The following KSR2 variants were observed in gnomAD, a reference collection of about 807,000 sequenced individuals.
The protein encoded by KSR2 is kinase suppressor of ras 2.
A neutral mutation model predicts 107.8 loss-of-function variants in KSR2; 25 were observed. The observed-to-expected ratio is 0.23, with a 90% confidence interval of 0.17 to 0.32. The LOEUF (loss-of-function observed/expected upper bound fraction) is 0.32, where lower values mean the gene tolerates loss of function less well. KSR2 is among the 10% of genes least tolerant of loss of function. The probability of loss-of-function intolerance (pLI) is 1.00; values close to 1 mark genes in which losing one functional copy is unlikely to be tolerated. For missense variants in KSR2, 887 were observed against 1,268.9 expected (o/e 0.70, Z 4.57); for synonymous variants, 480 against 507.0 (o/e 0.95, Z 0.71).
chr12:117,682,850 C>G (rs866195054), intron 4 of KSR2, among the ~76,000 whole-genome samples: 16 of 152,034 alleles, frequency 1.1e-4, no homozygotes, highest in Admixed American at 9.8e-4. Context: ...GTTGGAGTCA[C>G]CCAGGCAAGA....
rs570470310 is a variant in KSR2, at chr12:117,463,032, G to T, written c.*4167C>A. On this transcript the variant is annotated 3_prime_UTR_variant, in exon 20 of 20. Transcript: ENST00000339824. The stretch of plus-strand genomic sequence containing the variant: ...TGACACCTTGATCTTGGGACTTCCA[G>T]CCTCAAGAATTGTGAGGAATAAATT... 6.6e-6 allele frequency: 1 copy of T among 152,254 alleles called. No individual in the cohort carries two copies. Among genetic ancestry groups the T allele is most frequent in the East Asian group, 1.9e-4 (1 of 5,200 alleles). The allele number at this position is 152,254 out of a possible 1,614,324, so 9.4% of individuals were successfully genotyped here. A position where few individuals can be genotyped will look rare whatever the true frequency, so the allele number is the denominator to read the frequency against.
chr12:117,808,772 G>A (rs1336590911), intron 3 of KSR2, among the ~76,000 whole-genome samples: 1 of 152,042 alleles, frequency 6.6e-6, no homozygotes, highest in Non-Finnish European at 1.5e-5. Context: ...TTCCCACTCT[G>A]GCTAGCTGAC....
intron 1 of KSR2, among the ~76,000 whole-genome samples, chr12:117,928,182 CTTTT>C (rs35971412): frequency 4.3e-5 from 6 of 140,618 alleles, no homozygotes; most frequent in Admixed American, 7.2e-5. Flanking sequence ...TCCTTCTTTC[CTTTT>C]TTTTTTTTTT....
At chr12:117,804,340 G>A (rs1476375874) in intron 3 of KSR2, among the ~76,000 whole-genome samples, 1 of 152,202 alleles carries the variant, frequency 6.6e-6, no homozygotes, top group Non-Finnish European at 1.5e-5. Context: ...ACCGCACCCG[G>A]CCATTTATTG....
intron 4 of KSR2, among the ~76,000 whole-genome samples, chr12:117,693,713 T>C (rs993759068): frequency 6.6e-6 from 1 of 152,164 alleles, no homozygotes; most frequent in African/African-American, 2.4e-5. Flanking sequence ...TGCCAGGCCC[T>C]ATGCGAGATG....
chr12:117,763,844 G>C (rs1170607395), intron 3 of KSR2, among the ~76,000 whole-genome samples: 3 of 152,136 alleles, frequency 2.0e-5, no homozygotes, highest in African/African-American at 4.8e-5. Flanking sequence ...CTCTGGTTTG[G>C]GTGGTGGCAG....
intron 4 of KSR2, among the ~76,000 whole-genome samples, chr12:117,670,260 C>G (rs1438499644): frequency 1.3e-5 from 2 of 152,246 alleles, no homozygotes; most frequent in East Asian, 3.9e-4. Flanking sequence ...GCCACTGTTA[C>G]CACTGCTTTG....
chr12:117,761,016 C>T lies in KSR2; in HGVS notation c.981G>A (p.Thr327=). The change falls in exon 4 of 20, where the codon ACG becomes ACA. Residue 327 remains threonine, a synonymous_variant. Transcript: ENST00000339824. ...QLGHRVDEAH[T]PKAKKKSKPL... Reference sequence around the variant, plus strand: ...CACCCACCGATCGCACTCACTTGGGCGTGTGGGCCTCGTCCACGCGGTGCC... The same window carrying T: ...CACCCACCGATCGCACTCACTTGGGTGTGTGGGCCTCGTCCACGCGGTGCC... 1.9e-6 allele frequency: 3 copies of T among 1,613,530 alleles called. No individual in the cohort carries two copies. The highest frequency in any genetic ancestry group is 2.5e-6 in the Non-Finnish European group (3 of 1,179,688).
At chr12:117,535,511 G>A (rs1382000499) in intron 10 of KSR2, among the ~76,000 whole-genome samples, 1 of 152,112 alleles carries the variant, frequency 6.6e-6, no homozygotes. Flanking sequence ...CATGGCCCAA[G>A]TGAGGTCTCA....
chr12:117,516,910 G>A (rs1298522100), intron 14 of KSR2, among the ~76,000 whole-genome samples: 1 of 152,202 alleles, frequency 6.6e-6, no homozygotes, highest in Non-Finnish European at 1.5e-5. Context: ...TGGGAATACA[G>A]TTAGCTATTT....
intron 1 of KSR2, among the ~76,000 whole-genome samples, chr12:117,900,606 C>G (rs938464099): frequency 1.3e-5 from 2 of 152,134 alleles, no homozygotes; most frequent in Non-Finnish European, 2.9e-5. Context: ...AAGTTAATTA[C>G]TATTAATTGG....
At chr12:117,952,940 G>C (rs566906567) in intron 1 of KSR2, among the ~76,000 whole-genome samples, 3 of 136,650 alleles carry the variant, frequency 2.2e-5, no homozygotes, top group Admixed American at 1.6e-4. Flanking sequence ...AGCCAAGATT[G>C]CACCACTGTA....
chr12:117,629,824 T>C (rs1185762934), intron 5 of KSR2, among the ~76,000 whole-genome samples: 1 of 152,202 alleles, frequency 6.6e-6, no homozygotes. Flanking sequence ...GAAGTTAAAA[T>C]AATGCAGCTC....
At chr12:117,861,300 T>C (rs1280166769) in intron 1 of KSR2, among the ~76,000 whole-genome samples, 1 of 146,506 alleles carries the variant, frequency 6.8e-6, no homozygotes, top group Non-Finnish European at 1.5e-5. Context: ...ATAAATACTC[T>C]CCCATTCATA....
At chr12:117,923,120 T>C (rs116906009) in intron 1 of KSR2, among the ~76,000 whole-genome samples, 2,297 of 152,318 alleles carry the variant, frequency 0.015, 29 homozygotes, top group South Asian at 0.027. Context: ...GGAATGTGCC[T>C]TACAGAGAAA....
In KSR2 at chr12:117,549,528, G is replaced by A. The variant is rs192629068; in HGVS notation, c.1518+5641C>T. ...TAGACTAGGCACTCCCTGAGACAGGGAGTATGTTATATGCATCAGCACCTA... is the reference window on the plus strand; with the variant it reads ...TAGACTAGGCACTCCCTGAGACAGGAAGTATGTTATATGCATCAGCACCTA... On this transcript the variant is annotated intron_variant, in intron 9 of 19. Coordinates refer to ENST00000339824, the MANE Select transcript of KSR2 (RefSeq NM_173598.6). Among the ~76,000 whole-genome samples the A allele has an allele frequency of 3.7e-3, 564 of 152,264 alleles. 5 individuals carry two copies. Among genetic ancestry groups the A allele is most frequent in the African/African-American group, 0.013 (534 of 41,550 alleles).
At chr12:117,868,413 ACT>A (rs1278964551) in intron 1 of KSR2, among the ~76,000 whole-genome samples, 5 of 150,168 alleles carry the variant, frequency 3.3e-5, no homozygotes, top group Non-Finnish European at 7.4e-5. Context: ...ACACAGCAAG[ACT>A]CTGTCTCAAA....
At chr12:117,642,925 C>G (rs573209950) in intron 5 of KSR2, among the ~76,000 whole-genome samples, 71 of 152,180 alleles carry the variant, frequency 4.7e-4, no homozygotes, top group Non-Finnish European at 5.6e-4. Flanking sequence ...GGCCCCCAGG[C>G]TCCATGTAAC....
chr12:117,747,133 G>A (rs769031318), intron 4 of KSR2, among the ~76,000 whole-genome samples: 5 of 152,104 alleles, frequency 3.3e-5, no homozygotes, highest in East Asian at 1.9e-4. Context: ...ACATGCACAC[G>A]TATGTTTACT....
Sources: gnomAD v4.1 joint callset for allele counts (sites outside exome capture counted in the v4.1 genomes callset) on GRCh38, gnomAD v4.1.1 for gene constraint, MANE v1.5 for transcripts, NCBI Gene and HGNC (gene_info 2026-07-23, HGNC 2026-07-21) for gene names.